TCF7L2: variants seen among roughly 807,000 people sequenced by gnomAD.
TCF7L2 encodes the protein transcription factor 7-like 2.
TCF7L2 carries 23 observed loss-of-function variants against 77.9 expected under a neutral mutation model. The ratio of observed to expected loss-of-function variants is 0.30; its 90% confidence interval spans 0.21 to 0.42. TCF7L2 has a LOEUF of 0.42. Ranked by LOEUF, TCF7L2 falls within the 10% of genes least tolerant of loss-of-function variation. TCF7L2 has a pLI of 1.00. For synonymous variants in TCF7L2, 413 were observed against 340.2 expected, an observed-to-expected ratio of 1.21 and a Z score of -2.36; for missense variants, 654 against 793.1, an observed-to-expected ratio of 0.82 and a Z score of 2.11.
intron 8 of TCF7L2, among the ~76,000 whole-genome samples, chr10:113,148,426 G>A (rs886686075): frequency 3.3e-5 from 5 of 152,192 alleles, no homozygotes; most frequent in African/African-American, 1.2e-4. Flanking sequence ...GGGGGAAAAT[G>A]AGAGAATAAT....
chr10:113,151,646 A>C lies in TCF7L2; in HGVS notation c.1002-79A>C. 3 of 1,491,316 alleles carry C rather than the reference A, an allele frequency of 2.0e-6. No individual in the cohort carries two copies. The highest frequency in any genetic ancestry group is 2.7e-6 in the Non-Finnish European group (3 of 1,122,038). The allele number at this position is 1,491,316 out of a possible 1,614,324, so 92.4% of individuals were successfully genotyped here. ...TGCTAGGCTTGGGGGTTATGAGACAAGGAGATACGTTCCCTGCCATGGAGG... is the reference window on the plus strand; with the variant it reads ...TGCTAGGCTTGGGGGTTATGAGACACGGAGATACGTTCCCTGCCATGGAGG... On this transcript the variant is annotated intron_variant, in intron 9 of 13. Coordinates refer to ENST00000627217, the MANE Select transcript of TCF7L2 (RefSeq NM_001146274.2). The surrounding 1 kb of genome is among the most constrained non-coding windows in gnomAD (Gnocchi z 5.2).
chr10:113,057,671 C>G (rs1478966995), intron 5 of TCF7L2, among the ~76,000 whole-genome samples: 2 of 152,202 alleles, frequency 1.3e-5, no homozygotes, highest in Non-Finnish European at 2.9e-5. Context: ...ATTCCAGATA[C>G]ATTACGTTAA....
chr10:112,977,971 T>G (rs1387599564), intron 4 of TCF7L2, among the ~76,000 whole-genome samples: 1 of 152,032 alleles, frequency 6.6e-6, no homozygotes, highest in African/African-American at 2.4e-5. Context: ...GCCCAAAACA[T>G]AAAGGAAATT....
At chr10:113,147,437 T>C (rs1165566357) in intron 8 of TCF7L2, among the ~76,000 whole-genome samples, 1 of 152,192 alleles carries the variant, frequency 6.6e-6, no homozygotes, top group African/African-American at 2.4e-5. Context: ...GTGGATATCA[T>C]AGTTGAAGAG....
At chr10:113,147,964 T>G (rs1292448970) in intron 8 of TCF7L2, among the ~76,000 whole-genome samples, 2 of 152,052 alleles carry the variant, frequency 1.3e-5, no homozygotes, top group Admixed American at 1.3e-4. Flanking sequence ...GATAGCTAGT[T>G]AAAAAGCATA....
At chr10:113,115,618 C>G (rs1298840564) in intron 5 of TCF7L2, among the ~76,000 whole-genome samples, 1 of 152,138 alleles carries the variant, frequency 6.6e-6, no homozygotes, top group East Asian at 1.9e-4. Flanking sequence ...TTCCCCCCAC[C>G]AAGTTGTTTG....
rs1479923414 is a variant in TCF7L2 at position 112,950,484 on chromosome 10, A to AT, written c.-266dup. 3.1e-5 allele frequency: 4 copies of AT among 127,834 alleles called. No individual in the cohort carries two copies. Among genetic ancestry groups the AT allele is most frequent in the African/African-American group, 1.0e-4 (2 of 19,912 alleles). The allele number at this position is 127,834 out of a possible 1,614,324, so 7.9% of individuals were successfully genotyped here. A position where few individuals can be genotyped will look rare whatever the true frequency, so the allele number is the denominator to read the frequency against. ...TTTTTACCCCCCTTTTTTATTTATT[A>AT]TTTTTTTGCACATTGATCGGATCCT... On this transcript the variant is annotated 5_prime_UTR_variant, in exon 1 of 14. Transcript: ENST00000627217.
chr10:113,129,766 A>C (rs1311277563), intron 5 of TCF7L2: 1 of 1,261,090 alleles, frequency 7.9e-7, no homozygotes, highest in Admixed American at 2.8e-5. Flanking sequence ...AAAAGTGAGA[A>C]AAGCAGAAAG....
chr10:113,068,236 T>G (rs1481742834), intron 5 of TCF7L2, among the ~76,000 whole-genome samples: 1 of 152,214 alleles, frequency 6.6e-6, no homozygotes, highest in Admixed American at 6.5e-5. Context: ...TTGAATAAAG[T>G]GCTATGACTG....
At chr10:112,990,422 A>G (rs1171241385) in intron 4 of TCF7L2, among the ~76,000 whole-genome samples, 4 of 152,162 alleles carry the variant, frequency 2.6e-5, no homozygotes, top group Non-Finnish European at 4.4e-5. Flanking sequence ...AAAATTAGCT[A>G]GTTGGCCAGG....
intron 8 of TCF7L2, among the ~76,000 whole-genome samples, chr10:113,147,170 G>C (rs1047392004): frequency 6.6e-6 from 1 of 152,180 alleles, no homozygotes; most frequent in Non-Finnish European, 1.5e-5. Context: ...AGACTTTGCT[G>C]ATGGTCTGAA....
intron 11 of TCF7L2, among the ~76,000 whole-genome samples, chr10:113,153,351 G>A (rs1268918370): frequency 3.3e-5 from 5 of 152,126 alleles, no homozygotes; most frequent in South Asian, 2.1e-4. Context: ...ATTTGGTTCC[G>A]TGAAGGGATT....
chr10:113,160,071 C>A, intron 12 of TCF7L2, 79 bp downstream of exon 14: 1 of 1,292,616 alleles, frequency 7.7e-7, no homozygotes, highest in Non-Finnish European at 1.1e-6. Flanking sequence ...TGGCCTGTTG[C>A]TTTGTAGCTC....
intron 4 of TCF7L2, among the ~76,000 whole-genome samples, chr10:113,039,737 G>A (rs1461328706): frequency 6.6e-6 from 1 of 151,788 alleles, no homozygotes; most frequent in Admixed American, 6.6e-5. Context: ...ACCAAGTTAA[G>A]GTAGTAGTAA....
intron 3 of TCF7L2, among the ~76,000 whole-genome samples, chr10:112,952,636 G>A (rs1466497378): frequency 6.6e-6 from 1 of 152,190 alleles, no homozygotes; most frequent in Non-Finnish European, 1.5e-5. Context: ...CAGGGTGTGC[G>A]GGCTCAAGGA....
intron 5 of TCF7L2, among the ~76,000 whole-genome samples, chr10:113,053,836 C>T (rs1433744962): frequency 6.6e-6 from 1 of 152,136 alleles, no homozygotes; most frequent in Admixed American, 6.5e-5. Context: ...GTTATTATCC[C>T]GATTTGGCAG....
At chr10:113,093,865 A>G (rs181833760) in intron 5 of TCF7L2, among the ~76,000 whole-genome samples, 5 of 152,312 alleles carry the variant, frequency 3.3e-5, no homozygotes, top group Admixed American at 2.0e-4. Context: ...TGCTCAGTCA[A>G]TACCATTTTC....
intron 4 of TCF7L2, among the ~76,000 whole-genome samples, chr10:112,982,150 A>G (rs1465883146): frequency 6.6e-6 from 1 of 152,136 alleles, no homozygotes; most frequent in Non-Finnish European, 1.5e-5. Flanking sequence ...ATTTTTCCTC[A>G]TTAACTAGTT....
chr10:113,025,192 G>T (rs1027993039), intron 4 of TCF7L2, among the ~76,000 whole-genome samples: 3 of 151,240 alleles, frequency 2.0e-5, no homozygotes, highest in Admixed American at 2.0e-4. Flanking sequence ...TGAGTAGCTG[G>T]GACTACAGGC....
Sources: allele counts gnomAD v4.1 joint callset (sites outside exome capture counted in the v4.1 genomes callset), GRCh38; gene constraint gnomAD v4.1.1; non-coding constraint Gnocchi (gnomAD v3.1); transcripts MANE v1.5; gene names NCBI Gene and HGNC (gene_info 2026-07-23, HGNC 2026-07-21).